AGBL4: variants seen among roughly 807,000 people sequenced by gnomAD.
AGBL4 encodes cytosolic carboxypeptidase 6.
Under a neutral mutation model 66.4 loss-of-function variants are expected in AGBL4, and 58 were observed. The observed-to-expected ratio is 0.87, with a 90% confidence interval of 0.71 to 1.09. AGBL4 has a LOEUF of 1.09. AGBL4 is among the 50% of genes least tolerant of loss of function. The pLI is 0.00. For missense variants in AGBL4, 579 were observed against 631.0 expected, an observed-to-expected ratio of 0.92 and a Z score of 0.88; for synonymous variants, 234 against 222.9, an observed-to-expected ratio of 1.05 and a Z score of -0.44.
chr1:48,855,809 A>AGTC (rs2148813874), intron 6 of AGBL4, among the ~76,000 whole-genome samples: 2 of 152,318 alleles, frequency 1.3e-5, no homozygotes, highest in East Asian at 3.9e-4. Flanking sequence ...AGACTTTAAG[A>AGTC]ATAAATATAC....
chr1:48,838,916 G>A (rs1443169829), intron 6 of AGBL4, among the ~76,000 whole-genome samples: 1 of 151,954 alleles, frequency 6.6e-6, no homozygotes, highest in Non-Finnish European at 1.5e-5. Flanking sequence ...ATGGCCAACA[G>A]GTATAAAATG....
At chr1:49,454,766 A>G (rs1162201422) in intron 3 of AGBL4, among the ~76,000 whole-genome samples, 1 of 151,624 alleles carries the variant, frequency 6.6e-6, no homozygotes, top group Non-Finnish European at 1.5e-5. Context: ...GGTGAGTCTC[A>G]TAAGTCTCAT....
At chr1:48,758,233 C>T (rs1442160636) in intron 6 of AGBL4, among the ~76,000 whole-genome samples, 1 of 152,168 alleles carries the variant, frequency 6.6e-6, no homozygotes, top group East Asian at 1.9e-4. Context: ...CCATTCCTAC[C>T]AAAACAAGTC....
At chr1:49,466,248 T>C (rs1646628291) in intron 3 of AGBL4, among the ~76,000 whole-genome samples, 1 of 151,936 alleles carries the variant, frequency 6.6e-6, no homozygotes, top group Admixed American at 6.6e-5. Flanking sequence ...TTATAGAATT[T>C]GGGTTCCCCA....
chr1:48,847,473 G>C (rs530807345), intron 6 of AGBL4, among the ~76,000 whole-genome samples: 1 of 151,184 alleles, frequency 6.6e-6, no homozygotes, highest in South Asian at 2.1e-4. Flanking sequence ...ATCTCAGCTG[G>C]GTGATCCTGA....
rs370217744 is a variant in AGBL4 at position 49,137,717 on chromosome 1, T to C, written c.378-91917A>G. 2.0e-5 allele frequency among the ~76,000 whole-genome samples: 3 copies of C among 152,062 alleles called. No homozygotes were observed. In the East Asian group the frequency reaches 5.8e-4, roughly 29 times the overall value. ...TCATAATTGGGCATCTTCAAAACAA[T>C]TGCTAATAAGAGAATAACACAGAAT... is the stretch of plus-strand genomic sequence containing the variant. On this transcript the variant is annotated intron_variant, in intron 4 of 13. Coordinates refer to ENST00000371839, the MANE Select transcript of AGBL4 (RefSeq NM_032785.4).
chr1:48,856,948 T>C (rs1370682980), intron 6 of AGBL4, among the ~76,000 whole-genome samples: 1 of 152,138 alleles, frequency 6.6e-6, no homozygotes, highest in African/African-American at 2.4e-5. Flanking sequence ...AGGGATAATA[T>C]CACAGATGAA....
intron 3 of AGBL4, among the ~76,000 whole-genome samples, chr1:49,356,664 C>T (rs1227109506): frequency 1.3e-5 from 2 of 152,138 alleles, no homozygotes; most frequent in African/African-American, 4.8e-5. Context: ...AAGAAGGCAA[C>T]ATCAGGATTG....
intron 3 of AGBL4, among the ~76,000 whole-genome samples, chr1:49,346,941 C>A (rs548681337): frequency 1.3e-5 from 2 of 152,258 alleles, no homozygotes; most frequent in African/African-American, 4.8e-5. Flanking sequence ...GTTAAGGGAG[C>A]AGGTTAATAA....
At chr1:49,190,487 A>C (rs1203037978) in intron 4 of AGBL4, among the ~76,000 whole-genome samples, 1 of 152,172 alleles carries the variant, frequency 6.6e-6, no homozygotes, top group Non-Finnish European at 1.5e-5. Flanking sequence ...CATCAGAGTA[A>C]AGGGTGGACT....
intron 11 of AGBL4, among the ~76,000 whole-genome samples, chr1:48,540,051 A>G (rs1644039815): frequency 6.6e-6 from 1 of 152,202 alleles, no homozygotes; most frequent in Non-Finnish European, 1.5e-5. Context: ...CATAGCTTTC[A>G]GGGTACAGCC....
At chr1:49,021,532 A>T (rs1183997461) in intron 5 of AGBL4, among the ~76,000 whole-genome samples, 1 of 152,198 alleles carries the variant, frequency 6.6e-6, no homozygotes, top group Non-Finnish European at 1.5e-5. Context: ...TCATGTGAGG[A>T]TACAGCAAGA....
chr1:49,860,832 G>T (rs538761213), intron 1 of AGBL4, among the ~76,000 whole-genome samples: 10 of 151,544 alleles, frequency 6.6e-5, no homozygotes, highest in Non-Finnish European at 8.8e-5. Flanking sequence ...AACACCTTCT[G>T]TAAGAACCAA....
chr1:49,613,876 T>C (rs1645201615), intron 3 of AGBL4, among the ~76,000 whole-genome samples: 1 of 152,200 alleles, frequency 6.6e-6, no homozygotes, highest in Non-Finnish European at 1.5e-5. Flanking sequence ...AACTGGTCCC[T>C]GGTGCCAAAA....
intron 5 of AGBL4, among the ~76,000 whole-genome samples, chr1:49,035,607 A>C (rs1664581742): frequency 6.6e-6 from 1 of 152,066 alleles, no homozygotes. Context: ...GTTGATTACC[A>C]GTTTCAGGTG....
At chr1:49,069,812 T>C (rs1644564283) in intron 4 of AGBL4, among the ~76,000 whole-genome samples, 1 of 151,920 alleles carries the variant, frequency 6.6e-6, no homozygotes, top group Non-Finnish European at 1.5e-5. Flanking sequence ...AATCTATAAA[T>C]TACTATGGGC....
chr1:48,969,394 C>T (rs1338114607), intron 5 of AGBL4, among the ~76,000 whole-genome samples: 1 of 152,148 alleles, frequency 6.6e-6, no homozygotes, highest in Non-Finnish European at 1.5e-5. Flanking sequence ...TTCTCCCTGC[C>T]ATTTAATTGG....
intron 5 of AGBL4, 122 bp downstream of exon 5, chr1:49,045,462 T>C: frequency 1.5e-6 from 1 of 686,514 alleles, no homozygotes; most frequent in Non-Finnish European, 2.4e-6. Context: ...AGTTAGTAAA[T>C]TATTAAAAGT....
Position 49,982,176 on chromosome 1 carries a change from G to A in AGBL4, c.34+41587C>T, listed in dbSNP as rs78648931. Among the ~76,000 whole-genome samples the A allele has an allele frequency of 0.015, 2,245 of 152,314 alleles. 93 individuals are homozygous for A. In the East Asian group the frequency reaches 0.18, roughly 12 times the overall value. ...AAATTAAGTAGTATCCCAACACTAC[G>A]TGAAACTTAGTGATGGCAACAGTGG... is the stretch of plus-strand genomic sequence containing the variant. On this transcript the variant is annotated intron_variant, in intron 1 of 13. Coordinates refer to ENST00000371839, the MANE Select transcript of AGBL4 (RefSeq NM_032785.4).
Sources: gnomAD v4.1 joint callset for allele counts (sites outside exome capture counted in the v4.1 genomes callset) on GRCh38, gnomAD v4.1.1 for gene constraint, MANE v1.5 for transcripts, NCBI Gene and HGNC (gene_info 2026-07-23, HGNC 2026-07-21) for gene names.